Variants in ASTN2 observed in about 807,000 individuals in gnomAD.
ASTN2 encodes the protein astrotactin 2, also known as astrotactin-2.
In ASTN2, 54 loss-of-function variants were observed where a neutral mutation model predicts 139.8. The observed-to-expected ratio is 0.39, with a 90% confidence interval of 0.31 to 0.48. The LOEUF (loss-of-function observed/expected upper bound fraction) is 0.48, where lower values mean the gene tolerates loss of function less well. Ranked by LOEUF, ASTN2 falls within the 20% of genes least tolerant of loss-of-function variation. The pLI, the probability that ASTN2 is intolerant of heterozygous loss-of-function variation, is 0.95. For missense variants in ASTN2, 1,565 were observed against 1,725.1 expected, an observed-to-expected ratio of 0.91 and a Z score of 1.64; for synonymous variants, 756 against 719.5, an observed-to-expected ratio of 1.05 and a Z score of -0.81.
intron 2 of ASTN2, among the ~76,000 whole-genome samples, chr9:117,245,007 G>A (rs557820146): frequency 2.0e-5 from 3 of 152,128 alleles, no homozygotes; most frequent in Admixed American, 6.5e-5. Flanking sequence ...TCACAGTCCC[G>A]TAGAGAAGAT....
chr9:117,148,406 A>G (rs1830250768), intron 3 of ASTN2, among the ~76,000 whole-genome samples: 1 of 152,220 alleles, frequency 6.6e-6, no homozygotes, highest in Non-Finnish European at 1.5e-5. Flanking sequence ...CAGCTTCATG[A>G]CATTTCATTT....
chr9:116,946,378 T>C (rs540163666), intron 10 of ASTN2, among the ~76,000 whole-genome samples: 331 of 152,316 alleles, frequency 2.2e-3, no homozygotes, highest in Non-Finnish European at 2.9e-3. Context: ...ATCAAAAGCA[T>C]CCTGGAACAA....
chr9:116,928,553 G>A (rs965148200), intron 10 of ASTN2, among the ~76,000 whole-genome samples: 18 of 152,072 alleles, frequency 1.2e-4, no homozygotes, highest in Admixed American at 4.6e-4. Flanking sequence ...GGAGATTGCT[G>A]GGCACTGCTT....
chr9:117,141,309 G>A lies in ASTN2; in HGVS notation c.1168+17C>T. 7.3e-7 allele frequency: 1 copy of A among 1,366,108 alleles called. No homozygotes were observed. The highest frequency in any genetic ancestry group is 9.8e-7 in the Non-Finnish European group (1 of 1,020,966). The allele number at this position is 1,366,108 out of a possible 1,614,324, so 84.6% of individuals were successfully genotyped here. A position where few individuals can be genotyped will look rare whatever the true frequency, so the allele number is the denominator to read the frequency against. ...CAACCTTCTGACTTCCTGGCCAGAT[G>A]TGCCAGGAGGGCCTACCTCGAGACT... On this transcript the variant is annotated intron_variant, in intron 4 of 22. Transcript: ENST00000313400.
At chr9:117,251,454 GA>G (rs1833536655) in intron 2 of ASTN2, among the ~76,000 whole-genome samples, 1 of 151,402 alleles carries the variant, frequency 6.6e-6, no homozygotes, top group Non-Finnish European at 1.5e-5. Context: ...CCTCTTCTTT[GA>G]AAAAAACATA....
At chr9:116,696,950 TA>T (rs11400163) in intron 16 of ASTN2, among the ~76,000 whole-genome samples, 35,250 of 136,982 alleles carry the variant, frequency 0.26, 5,052 homozygotes, top group East Asian at 0.48. Flanking sequence ...GTGACATGAT[TA>T]AAAAAAAAAA....
At chr9:117,328,553 T>C (rs1208304676) in intron 1 of ASTN2, among the ~76,000 whole-genome samples, 2 of 152,184 alleles carry the variant, frequency 1.3e-5, no homozygotes, top group Non-Finnish European at 2.9e-5. Context: ...TGGTATTCTC[T>C]AGATATGCTA....
chr9:117,240,304 T>G (rs952330504), intron 2 of ASTN2, among the ~76,000 whole-genome samples: 1 of 152,138 alleles, frequency 6.6e-6, no homozygotes, highest in Non-Finnish European at 1.5e-5. Context: ...AAGCTGAGAT[T>G]TGAATCCCAA....
rs1017632193 is a variant in ASTN2, at chr9:117,265,632, A to G, written c.630+25694T>C. On this transcript the variant is annotated intron_variant, in intron 2 of 22. Coordinates refer to ENST00000313400, the MANE Select transcript of ASTN2 (RefSeq NM_001365068.1). ...CCAATCCGGCCTAAATCTGCCAACC[A>G]GCAATCAACAAACTCACCAACCAAT... 3.9e-4 allele frequency among the ~76,000 whole-genome samples: 59 copies of G among 152,328 alleles called. 1 individual carries two copies. The highest frequency in any genetic ancestry group is 1.4e-3 in the African/African-American group (59 of 41,588).
chr9:117,256,142 G>A (rs988421936), intron 2 of ASTN2, among the ~76,000 whole-genome samples: 8 of 152,092 alleles, frequency 5.3e-5, no homozygotes, highest in South Asian at 2.1e-4. Flanking sequence ...TTGATGATGC[G>A]GAATGGGGAG....
At chr9:116,861,108 G>A (rs887030113) in intron 11 of ASTN2, among the ~76,000 whole-genome samples, 4 of 151,948 alleles carry the variant, frequency 2.6e-5, no homozygotes, top group African/African-American at 7.3e-5. Flanking sequence ...TCATCAGACC[G>A]TTGAATCTTC....
Position 116,607,725 on chromosome 9 carries a change from G to A in ASTN2, c.3355+10599C>T, listed in dbSNP as rs916283025. Among the ~76,000 whole-genome samples, 9 of 133,516 alleles carry A rather than the reference G, an allele frequency of 6.7e-5. No homozygotes were observed. The South Asian group carries it at 2.5e-3, about 36-fold the overall frequency. The allele number at this position is 133,516 out of a possible 152,430, so 87.6% of individuals were successfully genotyped here. ...CACACACACACACACACACACACAC[G>A]CTGAAGCAGGCGGGTCACGAGGTCA... On this transcript the variant is annotated intron_variant, in intron 19 of 22. Transcript: ENST00000313400.
chr9:117,024,866 T>G (rs1838010642), intron 6 of ASTN2, among the ~76,000 whole-genome samples: 1 of 149,724 alleles, frequency 6.7e-6, no homozygotes, highest in African/African-American at 2.6e-5. Context: ...AATTGAATTA[T>G]GGGCAGTTTC....
chr9:116,921,238 C>T (rs1251578619), intron 10 of ASTN2, among the ~76,000 whole-genome samples: 2 of 152,112 alleles, frequency 1.3e-5, no homozygotes, highest in Admixed American at 1.3e-4. Flanking sequence ...GAGAAACAGC[C>T]ACCATGATCC....
At chr9:116,519,388 T>C (rs1850777443) in intron 19 of ASTN2, among the ~76,000 whole-genome samples, 7 of 151,806 alleles carry the variant, frequency 4.6e-5, no homozygotes, top group Admixed American at 4.6e-4. Flanking sequence ...GGAAATTAAA[T>C]AGCCTGCTCC....
intron 3 of ASTN2, chr9:117,180,699 C>A (rs1485681574): frequency 1.3e-6 from 2 of 1,588,774 alleles, no homozygotes; most frequent in East Asian, 4.5e-5. Context: ...ACAGTGGAAG[C>A]CCTCATGAGT....
intron 19 of ASTN2, among the ~76,000 whole-genome samples, chr9:116,500,350 GAAAGGA>G (rs1319801903): frequency 6.6e-6 from 1 of 152,212 alleles, no homozygotes; most frequent in African/African-American, 2.4e-5. Flanking sequence ...TGAATCTCCG[GAAAGGA>G]ATGTGGGTAG....
chr9:117,072,932 T>C (rs140824288), intron 5 of ASTN2, among the ~76,000 whole-genome samples: 11 of 151,984 alleles, frequency 7.2e-5, no homozygotes, highest in Non-Finnish European at 1.6e-4. Flanking sequence ...GCAAAAGAGT[T>C]AAGACTTCAA....
At chr9:117,367,299 C>G (rs527669659) in intron 1 of ASTN2, among the ~76,000 whole-genome samples, 3 of 152,156 alleles carry the variant, frequency 2.0e-5, no homozygotes, top group Non-Finnish European at 4.4e-5. Flanking sequence ...AGCTTGAAGT[C>G]TATAGCAATT....
Sources: allele counts gnomAD v4.1 joint callset (sites outside exome capture counted in the v4.1 genomes callset), GRCh38; gene constraint gnomAD v4.1.1; transcripts MANE v1.5; gene names NCBI Gene and HGNC (gene_info 2026-07-23, HGNC 2026-07-21).